Variants in VWA2 observed in about 807,000 individuals in gnomAD.
VWA2 encodes von Willebrand factor A domain containing 2.
A neutral mutation model predicts 70.4 loss-of-function variants in VWA2; 73 were observed. The ratio of observed to expected loss-of-function variants is 1.04; its 90% CI spans 0.86 to 1.26. The LOEUF is 1.26. Ranked by LOEUF, VWA2 falls within the 50% of genes most tolerant of loss-of-function variation. The pLI is 0.00. For synonymous variants in VWA2, 407 were observed against 423.3 expected (o/e 0.96, Z 0.47); for missense variants, 1,011 against 998.5 (o/e 1.01, Z -0.17).
chr10:114,270,559 G>A (rs1336575945), intron 5 of VWA2, among the ~76,000 whole-genome samples: 1 of 152,176 alleles, frequency 6.6e-6, no homozygotes, highest in Non-Finnish European at 1.5e-5. Flanking sequence ...GTGTGTGTGT[G>A]TAGTGTCTGG....
intron 8 of VWA2, among the ~76,000 whole-genome samples, chr10:114,280,429 G>A (rs1243451155): frequency 1.3e-5 from 2 of 152,210 alleles, no homozygotes; most frequent in African/African-American, 2.4e-5. Context: ...ATGGGGATGC[G>A]GTGGGGTAGG....
In VWA2 at chr10:114,289,089, G is replaced by A. The variant is rs755133926; in HGVS notation, c.1722G>A (p.Val574=). The A allele has an allele frequency of 5.6e-6, 9 of 1,614,054 alleles. No individual in the cohort carries two copies. Among genetic ancestry groups the A allele is most frequent in the Admixed American group, 3.3e-5 (2 of 60,014 alleles). ...ACGTGACACAGGTCGGCCTGGTGGT[G>A]TATGGCAGCCAGGTGCAGACTGCCT... The part of the protein sequence containing the change: ...NPDVTQVGLV[V]YGSQVQTAFG... Residue 574 remains valine, a synonymous_variant, in exon 12 of 14, where the codon GTG becomes GTA. Transcript: ENST00000392982.
intron 5 of VWA2, among the ~76,000 whole-genome samples, chr10:114,264,919 C>T (rs2037530464): frequency 6.6e-6 from 1 of 151,890 alleles, no homozygotes; most frequent in Non-Finnish European, 1.5e-5. Flanking sequence ...GGGGTTTTGC[C>T]ATGTTGGCTA....
At chr10:114,264,731 T>G (rs1459875312) in intron 5 of VWA2, among the ~76,000 whole-genome samples, 1 of 151,882 alleles carries the variant, frequency 6.6e-6, no homozygotes, top group African/African-American at 2.4e-5. Context: ...CTTTTTTTTC[T>G]TTTTTTGAGA....
chr10:114,246,778 C>A, intron 1 of VWA2: 2 of 1,260,298 alleles, frequency 1.6e-6, no homozygotes, highest in Non-Finnish European at 2.3e-6. Flanking sequence ...CAGGAACATG[C>A]TACTAAAATT....
chr10:114,263,328 ATTTTTTTTT>A (rs35723083), intron 5 of VWA2, among the ~76,000 whole-genome samples: 2 of 76,144 alleles, frequency 2.6e-5, no homozygotes, highest in Admixed American at 2.0e-4. Context: ...AATCTCCCCC[ATTTTTTTTT>A]TTTTTTTTTT....
chr10:114,289,478 G>C lies in VWA2; in HGVS notation c.2111G>C (p.Trp704Ser), dbSNP rs757881730. The change falls in exon 12 of 14, where the codon TGG becomes TCG. Residue 704 changes from tryptophan (W) to serine (S), a missense_variant. Physicochemically the swap from Trp to Ser is radical, Grantham distance 177 (BLOSUM62 -3). Transcript: ENST00000392982. ...LRYHQDVLIE[W>S]LCGEAKQPVN... The stretch of plus-strand genomic sequence containing the variant: ...TACCACCAGGACGTGCTCATTGAGT[G>C]GCTGTGTGGAGGTGAGTGGGGGAAT... 2 of 1,614,080 alleles carry C rather than the reference G, an allele frequency of 1.2e-6. No homozygotes were observed. The highest frequency in any genetic ancestry group is 2.7e-5 in the African/African-American group (2 of 74,942).
chr10:114,275,786 G>A (rs142646914), intron 6 of VWA2, among the ~76,000 whole-genome samples: 1,715 of 152,174 alleles, frequency 0.011, 34 homozygotes, highest in African/African-American at 0.039. Context: ...AAATTAGCCA[G>A]GCATGGTGGT....
intron 6 of VWA2, among the ~76,000 whole-genome samples, chr10:114,277,264 T>A (rs1589764351): frequency 7.4e-6 from 1 of 135,202 alleles, no homozygotes; most frequent in Admixed American, 8.2e-5. Context: ...GCTCACTGCA[T>A]CCTCCACCTC....
At chr10:114,242,092 C>T (rs372233674) in intron 1 of VWA2, among the ~76,000 whole-genome samples, 1 of 152,152 alleles carries the variant, frequency 6.6e-6, no homozygotes, top group Admixed American at 6.5e-5. Context: ...CCACCTACCA[C>T]ATTAGCTGCT....
chr10:114,278,594 A>C, intron 7 of VWA2, 125 bp from the exon 8 acceptor site: 1 of 1,404,476 alleles, frequency 7.1e-7, no homozygotes, highest in South Asian at 1.3e-5. Flanking sequence ...GAGAGCAGAA[A>C]GTGGCCAGCC....
At chr10:114,275,456 T>C (rs2037815989) in intron 6 of VWA2, among the ~76,000 whole-genome samples, 1 of 152,216 alleles carries the variant, frequency 6.6e-6, no homozygotes, top group South Asian at 2.1e-4. Flanking sequence ...AGCATAGCCA[T>C]TGCCAAAGAT....
intron 4 of VWA2, among the ~76,000 whole-genome samples, chr10:114,257,308 T>G (rs1215064494): frequency 6.6e-6 from 1 of 152,206 alleles, no homozygotes; most frequent in East Asian, 1.9e-4. Context: ...ACCCTGCTTT[T>G]AAAAGGGTTC....
intron 5 of VWA2, among the ~76,000 whole-genome samples, chr10:114,266,079 C>T (rs559001979): frequency 3.3e-5 from 5 of 152,216 alleles, no homozygotes; most frequent in South Asian, 2.1e-4. Context: ...GGGCAGATCA[C>T]GAGGTCGGGA....
intron 5 of VWA2, among the ~76,000 whole-genome samples, chr10:114,263,438 A>C (rs1485063157): frequency 3.6e-5 from 5 of 139,826 alleles, no homozygotes; most frequent in Non-Finnish European, 7.6e-5. Context: ...CTGGGTTCAC[A>C]CCATCCTCCT....
rs1157484623 is a variant in VWA2 at position 114,248,747 on chromosome 10, GT to G, written c.38del (p.Phe13SerfsTer17). ...PPFLLLEAVC[V>X]FLFSRVPPSL... ...TTTCCTGTTGCTGGAAGCCGTCTGT[GT>G]TTTCCTGTTTTCCAGAGGTAAGATG... is the stretch of plus-strand genomic sequence containing the variant. On this transcript the variant is annotated frameshift_variant, in exon 2 of 14. Transcript: ENST00000392982. LOFTEE classifies it high-confidence loss of function. 6.2e-7 allele frequency: 1 copy of G among 1,613,484 alleles called. No individual in the cohort carries two copies. The highest frequency in any genetic ancestry group is 8.5e-7 in the Non-Finnish European group (1 of 1,179,586).
intron 1 of VWA2, among the ~76,000 whole-genome samples, chr10:114,245,015 G>GT (rs2037040283): frequency 1.3e-5 from 2 of 152,196 alleles, no homozygotes; most frequent in African/African-American, 2.4e-5. Flanking sequence ...CAAGACAAAC[G>GT]TATCACTGGG....
chr10:114,264,472 C>T (rs1183309750), intron 5 of VWA2, among the ~76,000 whole-genome samples: 1 of 151,466 alleles, frequency 6.6e-6, no homozygotes, highest in Non-Finnish European at 1.5e-5. Context: ...GGCTGGAGTG[C>T]GGTGGTGCTA....
chr10:114,250,493 G>A (rs1183538847), intron 2 of VWA2, among the ~76,000 whole-genome samples: 1 of 152,212 alleles, frequency 6.6e-6, no homozygotes, highest in East Asian at 1.9e-4. Flanking sequence ...GTCCCCTTCT[G>A]TAAAGCCAAG....
Sources: gnomAD v4.1 joint callset for allele counts (sites outside exome capture counted in the v4.1 genomes callset) on GRCh38, gnomAD v4.1.1 for gene constraint, MANE v1.5 for transcripts, NCBI Gene and HGNC (gene_info 2026-07-23, HGNC 2026-07-21) for gene names.